The following KIAA1671 variants were observed in gnomAD, a reference collection of about 807,000 sequenced individuals.
The protein encoded by KIAA1671 is KIAA1671.
Under a neutral mutation model 131.2 loss-of-function variants are expected in KIAA1671, and 52 were observed. The ratio of observed to expected loss-of-function variants is 0.40; its 90% CI spans 0.32 to 0.50. KIAA1671 has a LOEUF of 0.50. Among genes scored for constraint, KIAA1671 ranks in the 20% least tolerant of loss-of-function variants. KIAA1671 has a pLI of 0.73. For synonymous variants in KIAA1671, 1,003 were observed against 961.6 expected (o/e 1.04, Z -0.80); for missense variants, 2,360 against 2,364.2 (o/e 1.00, Z 0.04).
intron 6 of KIAA1671, among the ~76,000 whole-genome samples, chr22:25,097,464 G>T (rs1410009409): frequency 6.6e-6 from 1 of 152,180 alleles, no homozygotes; most frequent in Admixed American, 6.5e-5. Flanking sequence ...TTGTAGGCTG[G>T]GTGCAGTGGC....
At chr22:25,145,578 T>G (rs1475045216) in intron 6 of KIAA1671, among the ~76,000 whole-genome samples, 1 of 152,188 alleles carries the variant, frequency 6.6e-6, no homozygotes, top group Non-Finnish European at 1.5e-5. Flanking sequence ...TACTTCCCCT[T>G]CCCTGGGCCT....
At chr22:25,015,085 A>T (rs796808639) in intron 1 of KIAA1671, 23 of 152,264 alleles carry the variant, frequency 1.5e-4, no homozygotes, top group African/African-American at 4.8e-4. Flanking sequence ...CAAAAAATTT[A>T]AAAAATTAGC....
At chr22:25,025,594 G>A (rs1925907178) in intron 1 of KIAA1671, 39 bp from the exon 2 acceptor site, 1 of 152,212 alleles carries the variant, frequency 6.6e-6, no homozygotes, top group Non-Finnish European at 1.5e-5. Context: ...CATACTGCCA[G>A]AACTCCGGAA....
In KIAA1671 at chr22:25,039,583, C is replaced by T. The variant is rs199774435; in HGVS notation, c.2453C>T (p.Pro818Leu). The part of the protein sequence containing the change: ...ASGPKFGGNC[P>L]FPKWTGGAVV... ...GGACCGAAGTTTGGGGGCAATTGCC[C>T]GTTTCCCAAATGGACAGGCGGGGCA... is the stretch of plus-strand genomic sequence containing the variant. Residue 818 changes from proline (P) to leucine (L), a missense_variant, in exon 5 of 13, where the codon CCG becomes CTG. Physicochemically the swap from Pro to Leu is moderately conservative, Grantham distance 98. Transcript: ENST00000358431. The T allele has an allele frequency of 0.034, 52,699 of 1,551,718 alleles. 992 individuals carry two copies. The highest frequency in any genetic ancestry group is 0.039 in the Non-Finnish European group (45,036 of 1,146,972).
intron 4 of KIAA1671, among the ~76,000 whole-genome samples, chr22:25,035,267 G>A (rs1024620237): frequency 1.3e-5 from 2 of 151,830 alleles, no homozygotes; most frequent in African/African-American, 2.4e-5. Context: ...GGCCAGTCTT[G>A]AACTCCTGAC....
rs1924305026 is a variant in KIAA1671, at chr22:24,999,239, G to A, written c.-207-26394G>A. ...ATCAATATAGTGTATAGTATACAGAGAGAGAGAGAGAGCACAATAGGGTCT... is the reference window on the plus strand; with the variant it reads ...ATCAATATAGTGTATAGTATACAGAAAGAGAGAGAGAGCACAATAGGGTCT... On this transcript the variant is annotated intron_variant, in intron 1 of 12. Coordinates refer to ENST00000358431, the MANE Select transcript of KIAA1671 (RefSeq NM_001145206.2). Among the ~76,000 whole-genome samples, 3 of 152,074 alleles carry A rather than the reference G, an allele frequency of 2.0e-5. No homozygotes were observed. The South Asian group carries it at 6.2e-4, about 32-fold the overall frequency.
At chr22:24,956,342 G>A (rs1052707022) in intron 1 of KIAA1671, among the ~76,000 whole-genome samples, 35 of 152,332 alleles carry the variant, frequency 2.3e-4, no homozygotes, top group Admixed American at 5.9e-4. Context: ...CTTCCTGTGG[G>A]GAGACATGGG....
At chr22:25,110,268 A>T (rs1391853000) in intron 6 of KIAA1671, 2 of 152,280 alleles carry the variant, frequency 1.3e-5, no homozygotes, top group African/African-American at 2.4e-5. Flanking sequence ...CCCTTTGACC[A>T]GTGTCTAGAA....
chr22:25,103,786 C>A (rs1348821849), intron 6 of KIAA1671, among the ~76,000 whole-genome samples: 4 of 152,170 alleles, frequency 2.6e-5, no homozygotes, highest in Non-Finnish European at 4.4e-5. Flanking sequence ...GCCACCACAA[C>A]CAGCCCAGGG....
chr22:25,063,843 A>T (rs1050402538), intron 6 of KIAA1671: 2 of 152,216 alleles, frequency 1.3e-5, no homozygotes, highest in Non-Finnish European at 2.9e-5. Flanking sequence ...CTCTGTGCTG[A>T]TGTAGGAGTA....
chr22:25,140,388 T>A (rs1277755184), intron 6 of KIAA1671, among the ~76,000 whole-genome samples: 1 of 152,170 alleles, frequency 6.6e-6, no homozygotes, highest in Non-Finnish European at 1.5e-5. Flanking sequence ...TTCCTTTTTT[T>A]TTTTTGAGAC....
Position 25,197,435 on chromosome 22 carries a change from G to C in KIAA1671, c.*5034G>C, listed in dbSNP as rs977841795. ...AATAGCAAATAAAGCTTTGGTGCAA[G>C]TTGCATTGGAGAAGTCGGTGCGTCC... On this transcript the variant is annotated 3_prime_UTR_variant, in exon 13 of 13. Transcript: ENST00000358431. 4 of 152,254 alleles carry C rather than the reference G, an allele frequency of 2.6e-5. No homozygotes were observed. The allele number at this position is 152,254 out of a possible 1,614,324, so 9.4% of individuals were successfully genotyped here. A position where few individuals can be genotyped will look rare whatever the true frequency, so the allele number is the denominator to read the frequency against.
rs118178409 is a variant in KIAA1671 at position 24,985,019 on chromosome 22, C to G, written c.-208+32247C>G. Among the ~76,000 whole-genome samples, 1,299 of 151,996 alleles carry G rather than the reference C, an allele frequency of 8.5e-3. 32 individuals are homozygous for G. The highest frequency in any genetic ancestry group is 0.071 in the South Asian group (340 of 4,798). On this transcript the variant is annotated intron_variant, in intron 1 of 12. Transcript: ENST00000358431. Reference sequence around the variant, plus strand: ...TGTTATAGTATCCTAGGCCCCGGGCCCAGATGAAATGGCAGGATAATTCCA... The same window carrying G: ...TGTTATAGTATCCTAGGCCCCGGGCGCAGATGAAATGGCAGGATAATTCCA...
At chr22:24,958,980 CA>C (rs59084421) in intron 1 of KIAA1671, among the ~76,000 whole-genome samples, 6,332 of 77,534 alleles carry the variant, frequency 0.082, 423 homozygotes, top group African/African-American at 0.21. Context: ...AACTTCGTAT[CA>C]AAAAAAAAAA....
intron 6 of KIAA1671, chr22:25,063,988 G>A (rs1928324117): frequency 6.6e-6 from 1 of 152,090 alleles, no homozygotes; most frequent in Non-Finnish European, 1.5e-5. Context: ...GCTCTACCAG[G>A]CGCCTGCTTC....
rs1934415121 is a variant in KIAA1671, at chr22:25,184,830, C to T, written c.5200-147C>T. On this transcript the variant is annotated intron_variant, in intron 10 of 12. Coordinates refer to ENST00000358431, the MANE Select transcript of KIAA1671 (RefSeq NM_001145206.2). ...TGCCAGACTGACATCTGACTTTTCT[C>T]AGCCCCCATGTTTCCTGTCTGGGTT... The T allele has an allele frequency of 4.8e-6, 4 of 836,556 alleles. No individual in the cohort carries two copies. In the South Asian group the frequency reaches 6.5e-5, roughly 14 times the overall value. The allele number at this position is 836,556 out of a possible 1,614,324, so 51.8% of individuals were successfully genotyped here. A position where few individuals can be genotyped will look rare whatever the true frequency, so the allele number is the denominator to read the frequency against.
At chr22:25,078,340 C>T (rs2145860261) in intron 6 of KIAA1671, among the ~76,000 whole-genome samples, 1 of 152,272 alleles carries the variant, frequency 6.6e-6, no homozygotes, top group African/African-American at 2.4e-5. Context: ...GCTTGGGTAA[C>T]ACAGCAATAC....
chr22:25,070,472 C>G lies in KIAA1671; in HGVS notation c.4530+21108C>G. On this transcript the variant is annotated intron_variant, in intron 6 of 12. Transcript: ENST00000358431. ...GACGGGGTCACGTCCTTTCCCTCTC[C>G]TCCTGCTTCCTGTCAACTTTGCTTT... is the stretch of plus-strand genomic sequence containing the variant. 4 of 426,876 alleles carry G rather than the reference C, an allele frequency of 9.4e-6. No homozygotes were observed. The East Asian group carries it at 1.4e-4, about 15-fold the overall frequency. 26.4% of individuals were successfully genotyped at this position (426,876 alleles called of 1,614,324 possible). A position where few individuals can be genotyped will look rare whatever the true frequency, so the allele number is the denominator to read the frequency against.
chr22:25,186,456 A>T (rs548338570), intron 11 of KIAA1671: 1 of 152,258 alleles, frequency 6.6e-6, no homozygotes, highest in Non-Finnish European at 1.5e-5. Flanking sequence ...AAGAAAAAAA[A>T]TTAGCTGGCT....
Sources: allele counts gnomAD v4.1 joint callset (sites outside exome capture counted in the v4.1 genomes callset), GRCh38; gene constraint gnomAD v4.1.1; transcripts MANE v1.5; gene names NCBI Gene and HGNC (gene_info 2026-07-23, HGNC 2026-07-21).